The following CCDC142 variants were observed in gnomAD, a reference collection of about 807,000 sequenced individuals.
CCDC142 encodes coiled-coil domain-containing protein 142.
In CCDC142, 67 loss-of-function variants were observed where a neutral mutation model predicts 83.8. The ratio of observed to expected loss-of-function variants is 0.80; its 90% confidence interval spans 0.66 to 0.98. The LOEUF is 0.98. Ranked by LOEUF, CCDC142 falls within the 50% of genes least tolerant of loss-of-function variation. The probability of loss-of-function intolerance (pLI) is 0.00; values close to 1 mark genes in which losing one functional copy is unlikely to be tolerated. For missense variants in CCDC142, 905 were observed against 946.8 expected (o/e 0.96, Z 0.58); for synonymous variants, 421 against 421.2 (o/e 1.00, Z 0.01).
chr2:74,477,988 T>TA (rs1192039542), intron 5 of CCDC142, among the ~76,000 whole-genome samples: 6,077 of 132,002 alleles, frequency 0.046, 177 homozygotes, highest in Admixed American at 0.1. Context: ...AACTTCTAAT[T>TA]AAAAAAAAAA....
At chr2:74,479,608 G>C (rs939545951) in intron 5 of CCDC142, among the ~76,000 whole-genome samples, 1 of 152,032 alleles carries the variant, frequency 6.6e-6, no homozygotes, top group East Asian at 1.9e-4. Flanking sequence ...TTTATTTTTT[G>C]AGACAGGGTC....
chr2:74,476,186 T>G (rs1022588134), intron 5 of CCDC142, among the ~76,000 whole-genome samples: 2 of 152,022 alleles, frequency 1.3e-5, no homozygotes, highest in African/African-American at 2.4e-5. Context: ...CGACCTTTTA[T>G]TTTTGAGGCA....
At chr2:74,477,943 G>A (rs907110811) in intron 5 of CCDC142, among the ~76,000 whole-genome samples, 4 of 149,220 alleles carry the variant, frequency 2.7e-5, no homozygotes, top group Admixed American at 1.4e-4. Flanking sequence ...CAGGGCACAT[G>A]TTCTCAGATC....
intron 5 of CCDC142, among the ~76,000 whole-genome samples, chr2:74,479,875 A>G (rs1672405247): frequency 6.6e-6 from 1 of 152,200 alleles, no homozygotes; most frequent in Non-Finnish European, 1.5e-5. Flanking sequence ...TGGCCTCCCA[A>G]AGCATTAATA....
intron 5 of CCDC142, among the ~76,000 whole-genome samples, chr2:74,479,100 GGGAGGATTGCTTGAGCCCAGGAGGT>G: frequency 6.6e-6 from 1 of 151,216 alleles, no homozygotes; most frequent in South Asian, 2.1e-4. Flanking sequence ...AGGCTGAGGT[GGGAGGATTGCTTGAGCCCAGGAGGT>G]GGAGGTTGCA....
chr2:74,482,077 G>C lies in CCDC142; in HGVS notation c.761C>G (p.Ala254Gly). 6.2e-7 allele frequency: 1 copy of C among 1,613,502 alleles called. No homozygotes were observed. The highest frequency in any genetic ancestry group is 2.2e-5 in the East Asian group (1 of 44,874). Reference protein sequence around the residue: ...GCQVASRLDEALQGSALRDQL... With the variant: ...GCQVASRLDEGLQGSALRDQL... The stretch of plus-strand genomic sequence containing the variant: ...GTCCCTCAACGCCGATCCTTGGAGC[G>C]CCTCGTCCAGCCGACTTGCCACCTG... Residue 254 changes from alanine (A) to glycine (G), a missense_variant, in exon 1 of 9, where the codon GCG becomes GGG. Around this residue, in one of 3 missense-constraint regions of CCDC142, gnomAD observed 591 missense variants for 571.4 expected, o/e 1.03. Coordinates refer to ENST00000393965, the MANE Select transcript of CCDC142 (RefSeq NM_001365575.2). This position sits in a 1 kb window ranked among gnomAD's most constrained non-coding sequence, Gnocchi z 5.0.
At position 74,482,064 on chromosome 2, in the gene CCDC142, C is replaced by T. The variant is rs551857412; in HGVS notation, c.774G>A (p.Ser258=). 6.2e-7 allele frequency: 1 copy of T among 1,613,594 alleles called. No homozygotes were observed. The highest frequency in any genetic ancestry group is 1.7e-5 in the Admixed American group (1 of 60,006). Residue 258 remains serine, a synonymous_variant, in exon 1 of 9, where the codon TCG becomes TCA. Coordinates refer to ENST00000393965, the MANE Select transcript of CCDC142 (RefSeq NM_001365575.2). The surrounding 1 kb of genome is among the most constrained non-coding windows in gnomAD (Gnocchi z 5.0). ...GCCTGCGGAGCTGGTCCCTCAACGC[C>T]GATCCTTGGAGCGCCTCGTCCAGCC... ...ASRLDEALQG[S]ALRDQLRRRC...
In CCDC142 at chr2:74,472,878, A is replaced by G. The variant is rs1310980220; in HGVS notation, c.*1668T>C. ...GGGAGCCCAAAGTAGGCTGTCAGCA[A>G]ATACAGCCTATCATGAATAGTCCTC... On this transcript the variant is annotated 3_prime_UTR_variant, in exon 9 of 9. Transcript: ENST00000393965. 4 of 598,138 alleles carry G rather than the reference A, an allele frequency of 6.7e-6. No individual in the cohort carries two copies. The highest frequency in any genetic ancestry group is 1.9e-5 in the African/African-American group (1 of 53,786). The allele number at this position is 598,138 out of a possible 1,614,324, so 37.1% of individuals were successfully genotyped here. A position where few individuals can be genotyped will look rare whatever the true frequency, so the allele number is the denominator to read the frequency against.
chr2:74,481,833 A>T lies in CCDC142; in HGVS notation c.1005T>A (p.Ser335Arg). The change falls in exon 1 of 9, where the codon AGT becomes AGA. Residue 335 changes from serine (S) to arginine (R), a missense_variant. Physicochemically the swap from Ser to Arg is moderately radical, Grantham distance 110 (BLOSUM62 -1). Coordinates refer to ENST00000393965, the MANE Select transcript of CCDC142 (RefSeq NM_001365575.2). Reference protein sequence around the residue: ...RDPRATAQQLSQALGQASLPQ... With the variant: ...RDPRATAQQLRQALGQASLPQ... ...ATCACTCACCCTGACCCAGTGCCTG[A>T]CTCAGCTGTTGCGCTGTTGCCCTGG... 6.2e-7 allele frequency: 1 copy of T among 1,612,208 alleles called. No homozygotes were observed. Among genetic ancestry groups the T allele is most frequent in the Non-Finnish European group, 8.5e-7 (1 of 1,178,722 alleles).
At position 74,475,094 on chromosome 2, in the gene CCDC142, G is replaced by A; in HGVS notation, c.1818C>T (p.Leu606=). 6.2e-7 allele frequency: 1 copy of A among 1,611,476 alleles called. No homozygotes were observed. The highest frequency in any genetic ancestry group is 8.5e-7 in the Non-Finnish European group (1 of 1,178,516). The change falls in exon 8 of 9, where the codon CTC becomes CTT. Residue 606 remains leucine (L), a synonymous_variant. Coordinates refer to ENST00000393965, the MANE Select transcript of CCDC142 (RefSeq NM_001365575.2). The part of the protein sequence containing the change: ...IRFSLQGALQ[L]KQDFGVVREL... Reference sequence around the variant, plus strand: ...CCCTGACCACTCCAAAGTCTTGTTTGAGCTGCAGCGCTCCCTGCAGGCTGA... The same window carrying A: ...CCCTGACCACTCCAAAGTCTTGTTTAAGCTGCAGCGCTCCCTGCAGGCTGA...
rs112199045 is a variant in CCDC142 at position 74,482,351 on chromosome 2, C to G, written c.487G>C (p.Glu163Gln). The change falls in exon 1 of 9, where the codon GAG becomes CAG. Residue 163 changes from glutamate (E) to glutamine (Q), a missense_variant. Physicochemically the swap from Glu to Gln is conservative, Grantham distance 29. This residue lies in a region of CCDC142 where 591 missense variants were observed against 571.4 expected (regional missense o/e 1.03). Coordinates refer to ENST00000393965, the MANE Select transcript of CCDC142 (RefSeq NM_001365575.2). The surrounding 1 kb of genome is among the most constrained non-coding windows in gnomAD (Gnocchi z 5.0). ...VLRIGPGETL[E>Q]PLLLARPIGL... ...ATGGGGCGCGCTAGCAGCAGCGGCT[C>G]GAGAGTCTCCCCAGGGCCGATTCGC... The G allele has an allele frequency of 1.2e-5, 19 of 1,596,170 alleles. No homozygotes were observed. The African/African-American group carries it at 1.2e-4, about 10-fold the overall frequency.
At chr2:74,478,017 GATATA>G (rs1043434240) in intron 5 of CCDC142, among the ~76,000 whole-genome samples, 38 of 145,312 alleles carry the variant, frequency 2.6e-4, no homozygotes, top group Middle Eastern at 3.6e-3. Context: ...TATATAAATA[GATATA>G]ATATAAATAA....
intron 6 of CCDC142, 52 bp from the exon 7 acceptor site, chr2:74,475,454 A>C: frequency 6.5e-7 from 1 of 1,527,032 alleles, no homozygotes; most frequent in Non-Finnish European, 8.8e-7. Flanking sequence ...TGAACCCCTA[A>C]ATGGAGTGTT....
At chr2:74,478,287 C>T (rs2104013296) in intron 5 of CCDC142, among the ~76,000 whole-genome samples, 1 of 151,608 alleles carries the variant, frequency 6.6e-6, no homozygotes, top group South Asian at 2.1e-4. Flanking sequence ...GTCTTGATCT[C>T]CTAACCTCAG....
rs369046855 is a variant in CCDC142, at chr2:74,475,602, G to T, written c.1618+10C>A. 2.5e-6 allele frequency: 4 copies of T among 1,604,362 alleles called. No homozygotes were observed. In the African/African-American group the frequency reaches 5.4e-5, roughly 21 times the overall value. ...GAACTCTGGAAGGAGAAGCTGGGAT[G>T]AGGAGTTACCAGGACAGAGACGAAG... On this transcript the variant is annotated intron_variant, in intron 6 of 8. Coordinates refer to ENST00000393965, the MANE Select transcript of CCDC142 (RefSeq NM_001365575.2).
Position 74,482,529 on chromosome 2 carries a change from C to T in CCDC142, c.309G>A (p.Glu103=). 1.3e-6 allele frequency: 2 copies of T among 1,583,616 alleles called. No homozygotes were observed. Among genetic ancestry groups the T allele is most frequent in the Non-Finnish European group, 1.7e-6 (2 of 1,164,782 alleles). ...AVLLRLHRER[E]QLLQARDCAY... ...CGCAGTCTCGGGCCTGGAGGAGCTG[C>T]TCCCGCTCGCGATGCAGCCGCAGCA... is the stretch of plus-strand genomic sequence containing the variant. The change falls in exon 1 of 9, where the codon GAG becomes GAA. Residue 103 remains glutamate (E), a synonymous_variant. Coordinates refer to ENST00000393965, the MANE Select transcript of CCDC142 (RefSeq NM_001365575.2). This position sits in a 1 kb window ranked among gnomAD's most constrained non-coding sequence, Gnocchi z 5.0.
At chr2:74,478,790 G>A (rs534788122) in intron 5 of CCDC142, among the ~76,000 whole-genome samples, 34 of 151,722 alleles carry the variant, frequency 2.2e-4, no homozygotes, top group Non-Finnish European at 3.8e-4. Context: ...ACTTTGGGAG[G>A]CTGAGGTGGG....
rs1177425197 is a variant in CCDC142, at chr2:74,474,725, G to A, written c.2074C>T (p.Gln692Ter). 3 of 1,614,108 alleles carry A rather than the reference G, an allele frequency of 1.9e-6. No homozygotes were observed. The highest frequency in any genetic ancestry group is 1.7e-5 in the Admixed American group (1 of 60,008). Reference sequence around the variant, plus strand: ...GTCTGGGCTGGAGATGTTCCAGGCTGGAGCGGGGGCTCCAAGCTCTCCAGG... The same window carrying A: ...GTCTGGGCTGGAGATGTTCCAGGCTAGAGCGGGGGCTCCAAGCTCTCCAGG... ...NSLESLEPPL[Q>*]PGTSPAQTGQ... Residue 692 changes from glutamine to a stop codon, truncating the protein, a stop_gained, in exon 9 of 9, where the codon CAG becomes TAG. Coordinates refer to ENST00000393965, the MANE Select transcript of CCDC142 (RefSeq NM_001365575.2). LOFTEE classifies it high-confidence loss of function.
At position 74,474,547 on chromosome 2, in the gene CCDC142, T is replaced by C. The variant is rs763580206; in HGVS notation, c.2252A>G (p.Ter751=). Reference sequence around the variant, plus strand: ...TTCTGGCTCCTGGTCCCAGGCTCCTTAGGATTCAGGACTGGTTCCCAGGCA... The same window carrying C: ...TTCTGGCTCCTGGTCCCAGGCTCCTCAGGATTCAGGACTGGTTCCCAGGCA... ...FSCLGTSPES[*] is the part of the protein sequence containing the mutation. The change falls in exon 9 of 9, where the codon TAA becomes TGA. Residue 751 remains the stop codon, a stop_retained_variant. Coordinates refer to ENST00000393965, the MANE Select transcript of CCDC142 (RefSeq NM_001365575.2). 7 of 1,602,108 alleles carry C rather than the reference T, an allele frequency of 4.4e-6. No homozygotes were observed. In the South Asian group the frequency reaches 7.8e-5, roughly 18 times the overall value.
Sources: allele counts gnomAD v4.1 joint callset (sites outside exome capture counted in the v4.1 genomes callset), GRCh38; gene constraint gnomAD v4.1.1; regional missense constraint gnomAD v4.1.1; non-coding constraint Gnocchi (gnomAD v3.1); transcripts MANE v1.5; gene names NCBI Gene and HGNC (gene_info 2026-07-23, HGNC 2026-07-21).